IGSF11: variants seen among roughly 807,000 people sequenced by gnomAD.
The protein encoded by IGSF11 is immunoglobulin superfamily member 11.
IGSF11 carries 22 observed loss-of-function variants against 41.0 expected under a neutral mutation model. The ratio of observed to expected loss-of-function variants is 0.54; its 90% CI spans 0.38 to 0.77. The LOEUF is 0.77. Among genes scored for constraint, IGSF11 ranks in the 30% least tolerant of loss-of-function variants. IGSF11 has a pLI of 0.00. For synonymous variants in IGSF11, 219 were observed against 201.3 expected, an observed-to-expected ratio of 1.09 and a Z score of -0.74; for missense variants, 444 against 530.8, an observed-to-expected ratio of 0.84 and a Z score of 1.61.
intron 1 of IGSF11, among the ~76,000 whole-genome samples, chr3:118,935,301 CATAT>C (rs10575505): frequency 2.2e-3 from 273 of 122,234 alleles, no homozygotes; most frequent in Middle Eastern, 0.014. Flanking sequence ...GGTGTATATA[CATAT>C]ATATATATAT....
At position 119,077,282 on chromosome 3, in the gene IGSF11, G is replaced by A. The variant is rs560122498; in HGVS notation, c.49+27862C>T. Among the ~76,000 whole-genome samples the A allele has an allele frequency of 6.6e-5, 10 of 152,122 alleles. No individual in the cohort carries two copies. The South Asian group carries it at 1.5e-3, about 22-fold the overall frequency. Reference sequence around the variant, plus strand: ...AGGGCCTGTTGTGGGGTGGGGGAAGGGGGGAGGGAAAGCATTAGGAGATAT... The same window carrying A: ...AGGGCCTGTTGTGGGGTGGGGGAAGAGGGGAGGGAAAGCATTAGGAGATAT... On this transcript the variant is annotated intron_variant, in intron 1 of 6. Transcript: ENST00000354673.
rs373302084 is a variant in IGSF11 at position 118,902,941 on chromosome 3, T to C, written c.875A>G (p.Lys292Arg). 1 of 1,613,784 alleles carries C rather than the reference T, an allele frequency of 6.2e-7. No individual in the cohort carries two copies. Among genetic ancestry groups the C allele is most frequent in the Non-Finnish European group, 8.5e-7 (1 of 1,179,696 alleles). Residue 292 changes from lysine to arginine, a missense_variant, in exon 7 of 7, where the codon AAG becomes AGG. Transcript: ENST00000393775. ...GTGAAATGCTTTGGCAGAAGAACACTTGGGTGGAAGATCATCCTCTCTGAA... is the reference window on the plus strand; with the variant it reads ...GTGAAATGCTTTGGCAGAAGAACACCTGGGTGGAAGATCATCCTCTCTGAA... ...NEIREDDLPP[K>R]CSSAKAFHTE...
intron 1 of IGSF11, among the ~76,000 whole-genome samples, chr3:118,936,840 A>T (rs1426343319): frequency 1.3e-5 from 2 of 152,162 alleles, no homozygotes; most frequent in East Asian, 3.8e-4. Context: ...GGCAACAAAG[A>T]ATCTTTAAAA....
chr3:119,132,378 CAAAAAAAAAAAAA>C (rs58700219), intron 1 of IGSF11, among the ~76,000 whole-genome samples: 2 of 39,786 alleles, frequency 5.0e-5, no homozygotes, highest in African/African-American at 1.1e-4. Flanking sequence ...AAACAGAAAG[CAAAAAAAAAAAAA>C]AAAAAAAAAA....
intron 1 of IGSF11, among the ~76,000 whole-genome samples, chr3:119,022,935 G>C (rs1246670990): frequency 6.6e-6 from 1 of 152,016 alleles, no homozygotes; most frequent in African/African-American, 2.4e-5. Flanking sequence ...ATTTGCAGCA[G>C]CATTATTCAT....
At chr3:118,929,785 AT>A (rs2107532677) in intron 2 of IGSF11, among the ~76,000 whole-genome samples, 1 of 152,314 alleles carries the variant, frequency 6.6e-6, no homozygotes, top group African/African-American at 2.4e-5. Context: ...TATTATCACT[AT>A]CTTTTAAAAG....
At chr3:119,005,977 G>A (rs1937463210) in intron 1 of IGSF11, among the ~76,000 whole-genome samples, 4 of 132,670 alleles carry the variant, frequency 3.0e-5, no homozygotes, top group African/African-American at 9.8e-5. Context: ...TCTTTGTGGC[G>A]TTCTCTGTAT....
intron 1 of IGSF11, among the ~76,000 whole-genome samples, chr3:119,017,776 C>CTTTTTTTT (rs567222914): frequency 5.0e-5 from 5 of 100,254 alleles, no homozygotes; most frequent in Non-Finnish European, 5.9e-5. Context: ...GTTTGTTTTA[C>CTTTTTTTT]TTTTTTTTTT....
upstream of IGSF11, among the ~76,000 whole-genome samples, chr3:119,109,650 C>A (rs1163401208): frequency 6.6e-6 from 1 of 152,114 alleles, no homozygotes; most frequent in Non-Finnish European, 1.5e-5. Context: ...TGTATTTGCT[C>A]TTGCTTGTCT....
At chr3:118,927,816 T>G (rs1234863638) in intron 3 of IGSF11, among the ~76,000 whole-genome samples, 2 of 152,116 alleles carry the variant, frequency 1.3e-5, no homozygotes, top group African/African-American at 4.8e-5. Context: ...ACAGAAGAAT[T>G]GAAAAATAAA....
At chr3:119,146,000 A>C (rs1160637332) in exon 1 of IGSF11, 6 of 586,470 alleles carry the variant, frequency 1.0e-5, no homozygotes, top group Admixed American at 3.0e-5. Flanking sequence ...GCTCGCCTGC[A>C]CACTGCAGGG....
intron 1 of IGSF11, among the ~76,000 whole-genome samples, chr3:119,081,384 T>C (rs1286525070): frequency 6.6e-6 from 1 of 152,158 alleles, no homozygotes; most frequent in Non-Finnish European, 1.5e-5. Context: ...TGTGCTCTAC[T>C]CGATCATTGT....
At chr3:118,949,326 A>G (rs78316130) in intron 1 of IGSF11, 58 of 6,614 alleles carry the variant, frequency 8.8e-3, no homozygotes, top group African/African-American at 0.058. Context: ...CACCTGAGGA[A>G]AAAAAAAAAA....
At chr3:119,069,770 G>C (rs1422428050) in intron 1 of IGSF11, among the ~76,000 whole-genome samples, 1 of 151,696 alleles carries the variant, frequency 6.6e-6, no homozygotes, top group African/African-American at 2.4e-5. Flanking sequence ...TTTGTTAACA[G>C]TTGCTCACTG....
At chr3:118,940,259 A>G (rs1943582575) in intron 1 of IGSF11, among the ~76,000 whole-genome samples, 1 of 152,178 alleles carries the variant, frequency 6.6e-6, no homozygotes, top group Non-Finnish European at 1.5e-5. Flanking sequence ...TTATTTGCAG[A>G]TAACACATCT....
At chr3:118,963,984 T>A (rs1451199703) in intron 1 of IGSF11, among the ~76,000 whole-genome samples, 1 of 152,174 alleles carries the variant, frequency 6.6e-6, no homozygotes. Context: ...CAATGTTTTT[T>A]AGGTCTCAGA....
chr3:118,904,887 CTAAA>C (rs1218662857), intron 5 of IGSF11, 89 bp from the exon 6 acceptor site: 1 of 1,047,432 alleles, frequency 9.5e-7, no homozygotes, highest in African/African-American at 1.6e-5. Flanking sequence ...CATAAGCTTA[CTAAA>C]TAATCTGCTT....
intron 5 of IGSF11, among the ~76,000 whole-genome samples, chr3:118,905,087 C>T (rs1939411840): frequency 6.6e-6 from 1 of 152,196 alleles, no homozygotes; most frequent in Admixed American, 6.5e-5. Context: ...CAGCACCAAT[C>T]TAACTTGCCT....
At chr3:118,996,745 G>GCC (rs1936306525) in intron 1 of IGSF11, among the ~76,000 whole-genome samples, 1 of 152,086 alleles carries the variant, frequency 6.6e-6, no homozygotes, top group Admixed American at 6.6e-5. Flanking sequence ...GACCACAGGT[G>GCC]CTTGCCACAA....
Sources: allele counts gnomAD v4.1 joint callset (sites outside exome capture counted in the v4.1 genomes callset), GRCh38; gene constraint gnomAD v4.1.1; transcripts MANE v1.5; gene names NCBI Gene and HGNC (gene_info 2026-07-23, HGNC 2026-07-21).